Variants in HRH2 observed in about 807,000 individuals in gnomAD.
HRH2 encodes histamine H2 receptor.
In HRH2, 4 loss-of-function variants were observed where a neutral mutation model predicts 20.1. That is an observed-to-expected ratio of 0.20 (90% CI 0.10 to 0.45). HRH2 has a LOEUF of 0.45. Among genes scored for constraint, HRH2 ranks in the 20% least tolerant of loss-of-function variants. The pLI is 0.99. For synonymous variants in HRH2, 197 were observed against 200.7 expected, an observed-to-expected ratio of 0.98 and a Z score of 0.16; for missense variants, 250 against 461.6, an observed-to-expected ratio of 0.54 and a Z score of 4.20.
intron 1 of HRH2, among the ~76,000 whole-genome samples, chr5:175,669,602 G>A (rs775575179): frequency 5.3e-5 from 8 of 152,124 alleles, no homozygotes; most frequent in African/African-American, 1.7e-4. Context: ...GACCTCAAGC[G>A]ATCCACCCAC....
At chr5:175,662,191 A>C (rs1313666544) in intron 1 of HRH2, among the ~76,000 whole-genome samples, 1 of 152,080 alleles carries the variant, frequency 6.6e-6, no homozygotes, top group Admixed American at 6.5e-5. Flanking sequence ...AGAGGGGATA[A>C]TATTTGAAAT....
chr5:175,684,696 A>C (rs1439137901), intron 2 of HRH2, among the ~76,000 whole-genome samples: 1 of 152,198 alleles, frequency 6.6e-6, no homozygotes, highest in Non-Finnish European at 1.5e-5. Context: ...GATAGCACTC[A>C]AGTAACCATG....
chr5:175,662,627 A>G (rs1181230593), intron 1 of HRH2, among the ~76,000 whole-genome samples: 1 of 152,136 alleles, frequency 6.6e-6, no homozygotes, highest in Admixed American at 6.5e-5. Context: ...CTCAAGCAAC[A>G]AAGGTGGTCT....
At position 175,677,688 on chromosome 5, in the gene HRH2, A is replaced by C. The variant is rs369196884; in HGVS notation, c.-525-5021A>C. Among the ~76,000 whole-genome samples the C allele has an allele frequency of 8.0e-4, 122 of 152,320 alleles. 2 individuals carry two copies. Among genetic ancestry groups the C allele is most frequent in the African/African-American group, 2.8e-3 (116 of 41,580 alleles). On this transcript the variant is annotated intron_variant, in intron 1 of 2. Transcript: ENST00000636584. The surrounding 1 kb of genome is among the most constrained non-coding windows in gnomAD (Gnocchi z 4.2). ...CCTGATACCCTCAGGAGGCACCTGG[A>C]ACATTTGAAGTGGTCGATGACAGGG... is the stretch of plus-strand genomic sequence containing the variant.
intron 1 of HRH2, among the ~76,000 whole-genome samples, chr5:175,660,394 G>A (rs1444590515): frequency 6.6e-6 from 1 of 152,140 alleles, no homozygotes; most frequent in African/African-American, 2.4e-5. Flanking sequence ...ATTATGGAAC[G>A]CCCATGTGAC....
At position 175,658,704 on chromosome 5, in the gene HRH2, C is replaced by T. The variant is rs1234130932; in HGVS notation, c.-526+549C>T. On this transcript the variant is annotated intron_variant, in intron 1 of 2. Transcript: ENST00000636584. Reference sequence around the variant, plus strand: ...CTGCCTTCATCCCGCTGGGCTGCCGCCCGCTGCCGGATGACCGATGACCGG... The same window carrying T: ...CTGCCTTCATCCCGCTGGGCTGCCGTCCGCTGCCGGATGACCGATGACCGG... Among the ~76,000 whole-genome samples the T allele has an allele frequency of 2.7e-5, 4 of 150,918 alleles. No individual in the cohort carries two copies. The East Asian group carries it at 7.9e-4, about 30-fold the overall frequency.
At chr5:175,672,853 T>G (rs1755601430) in intron 1 of HRH2, among the ~76,000 whole-genome samples, 1 of 152,152 alleles carries the variant, frequency 6.6e-6, no homozygotes, top group Admixed American at 6.5e-5. Flanking sequence ...AGGAGGCCCC[T>G]CGGCAGAGCT....
intron 1 of HRH2, among the ~76,000 whole-genome samples, chr5:175,675,523 C>T (rs1301645503): frequency 6.6e-6 from 1 of 152,194 alleles, no homozygotes; most frequent in Admixed American, 6.5e-5. Context: ...GCTCAAAGAC[C>T]AGGACAGTTG....
At chr5:175,696,945 A>T (rs1003411340) in intron 2 of HRH2, among the ~76,000 whole-genome samples, 14 of 152,238 alleles carry the variant, frequency 9.2e-5, no homozygotes, top group African/African-American at 3.4e-4. Context: ...CTTAGGGCTC[A>T]GCACAGGGTT....
chr5:175,659,204 C>G (rs1413952729), intron 1 of HRH2, among the ~76,000 whole-genome samples: 1 of 152,164 alleles, frequency 6.6e-6, no homozygotes, highest in Admixed American at 6.5e-5. Context: ...TCCTGTAAGA[C>G]ATGACGTCTC....
chr5:175,690,189 A>G (rs1304297681), intron 2 of HRH2, among the ~76,000 whole-genome samples: 4 of 152,000 alleles, frequency 2.6e-5, no homozygotes, highest in African/African-American at 9.7e-5. Context: ...CCCCACAGTC[A>G]GGGGCCCCAG....
At position 175,675,923 on chromosome 5, in the gene HRH2, A is replaced by T. The variant is rs151236701; in HGVS notation, c.-525-6786A>T. 8.6e-3 allele frequency among the ~76,000 whole-genome samples: 1,304 copies of T among 152,334 alleles called. 21 individuals are homozygous for T. Among genetic ancestry groups the T allele is most frequent in the African/African-American group, 0.03 (1,233 of 41,576 alleles). On this transcript the variant is annotated intron_variant, in intron 1 of 2. Transcript: ENST00000636584. ...GTCCCAGCTCCCATTTCCTCCCTGG[A>T]GGCAGCCATCCCTACCCTCTCACTG...
At chr5:175,705,623 G>C (rs549731021) in intron 2 of HRH2, among the ~76,000 whole-genome samples, 1 of 151,656 alleles carries the variant, frequency 6.6e-6, no homozygotes, top group East Asian at 1.9e-4. Flanking sequence ...GCTTCTTATG[G>C]AGCAGGACTA....
intron 1 of HRH2, among the ~76,000 whole-genome samples, chr5:175,664,064 G>A (rs956035110): frequency 1.5e-4 from 23 of 152,360 alleles, no homozygotes; most frequent in African/African-American, 5.3e-4. Flanking sequence ...AGAGCAGGCA[G>A]TGTGGCTGAT....
chr5:175,698,773 T>G (rs1393978222), intron 2 of HRH2, among the ~76,000 whole-genome samples: 1 of 152,114 alleles, frequency 6.6e-6, no homozygotes, highest in East Asian at 1.9e-4. Context: ...GGAAAAAATG[T>G]AAAAGGGGTT....
chr5:175,685,510 C>T, intron 2 of HRH2: 3 of 1,528,644 alleles, frequency 2.0e-6, no homozygotes, highest in Non-Finnish European at 2.7e-6. Flanking sequence ...ATTCCCACCA[C>T]ATGCCAGGAA....
intron 2 of HRH2, among the ~76,000 whole-genome samples, chr5:175,685,126 C>G: frequency 6.6e-6 from 1 of 152,058 alleles, no homozygotes; most frequent in East Asian, 1.9e-4. Context: ...GCGGGAGATG[C>G]AAGGGAGGAC....
At chr5:175,685,644 T>C in intron 2 of HRH2, 1 of 656,208 alleles carries the variant, frequency 1.5e-6, no homozygotes, top group Non-Finnish European at 2.8e-6. Context: ...CTTGAGCAAG[T>C]TCCTCCCCAT....
At chr5:175,660,114 C>G (rs1003254329) in intron 1 of HRH2, among the ~76,000 whole-genome samples, 4 of 152,334 alleles carry the variant, frequency 2.6e-5, no homozygotes, top group Non-Finnish European at 5.9e-5. Context: ...ACAAGACCAG[C>G]TGTGGTCCAT....
Sources: gnomAD v4.1 joint callset for allele counts (sites outside exome capture counted in the v4.1 genomes callset) on GRCh38, gnomAD v4.1.1 for gene constraint, Gnocchi (gnomAD v3.1) non-coding constraint, MANE v1.5 for transcripts, NCBI Gene and HGNC (gene_info 2026-07-23, HGNC 2026-07-21) for gene names.